The following PCSK5 variants were observed in gnomAD, a reference collection of about 807,000 sequenced individuals.
PCSK5 encodes proprotein convertase subtilisin/kexin type 5, also known as prohormone convertase 5.
In PCSK5, 129 loss-of-function variants were observed where a neutral mutation model predicts 233.2. That is an observed-to-expected ratio of 0.55 (90% confidence interval 0.48 to 0.64). The LOEUF is 0.64. Ranked by LOEUF, PCSK5 falls within the 30% of genes least tolerant of loss-of-function variation. PCSK5 has a pLI of 0.00. For missense variants in PCSK5, 2,076 were observed against 2,430.1 expected (o/e 0.85, Z 3.06); for synonymous variants, 825 against 879.2 (o/e 0.94, Z 1.09).
intron 3 of PCSK5, among the ~76,000 whole-genome samples, chr9:76,001,671 C>A (rs1166356971): frequency 6.6e-6 from 1 of 152,116 alleles, no homozygotes; most frequent in Non-Finnish European, 1.5e-5. Context: ...ATTAACTCTA[C>A]TAGGTCTTGC....
At chr9:75,964,896 T>G (rs201896868) in intron 2 of PCSK5, among the ~76,000 whole-genome samples, 21 of 147,684 alleles carry the variant, frequency 1.4e-4, no homozygotes, top group Non-Finnish European at 2.2e-4. Flanking sequence ...ATGGCGGGGG[T>G]GGGGGAGCAT....
intron 15 of PCSK5, 31 bp downstream of exon 15, chr9:76,179,729 G>A (rs1823763763): frequency 2.1e-6 from 3 of 1,449,570 alleles, no homozygotes; most frequent in Non-Finnish European, 1.9e-6. Context: ...CATCCCCACA[G>A]CATGTGCCAG....
At chr9:75,935,384 G>A (rs181869758) in intron 2 of PCSK5, among the ~76,000 whole-genome samples, 9 of 152,236 alleles carry the variant, frequency 5.9e-5, no homozygotes, top group East Asian at 5.8e-4. Flanking sequence ...ACATGTATAC[G>A]TATGTAAGGT....
chr9:76,036,069 A>G lies in PCSK5; in HGVS notation c.632+9032A>G, dbSNP rs970978597. Among the ~76,000 whole-genome samples the G allele has an allele frequency of 3.3e-5, 5 of 152,294 alleles. No homozygotes were observed. In the South Asian group the frequency reaches 1.0e-3, roughly 32 times the overall value. ...AAGCTTATAGATTATTCATTTTAACATTACCAAAATATTGTTTAGATATTG... is the reference window on the plus strand; with the variant it reads ...AAGCTTATAGATTATTCATTTTAACGTTACCAAAATATTGTTTAGATATTG... On this transcript the variant is annotated intron_variant, in intron 5 of 37. Coordinates refer to ENST00000674117, the MANE Select transcript of PCSK5 (RefSeq NM_001372043.1).
In PCSK5 at chr9:76,282,145, T is replaced by TTTTTTTTTTTTTTTTTTTTTC. The variant is rs1286020691; in HGVS notation, c.3143-10086_3143-10085insTTTTTTTTTTTTTTTTTTCTT. Among the ~76,000 whole-genome samples the TTTTTTTTTTTTTTTTTTTTTC allele has an allele frequency of 1.1e-3, 108 of 98,990 alleles. 27 individuals carry two copies. Among genetic ancestry groups the TTTTTTTTTTTTTTTTTTTTTC allele is most frequent in the Non-Finnish European group, 1.7e-3 (84 of 48,200 alleles). 64.9% of individuals were successfully genotyped at this position (98,990 alleles called of 152,430 possible). On this transcript the variant is annotated intron_variant, in intron 24 of 37. Transcript: ENST00000674117. Reference sequence around the variant, plus strand: ...CTTTTTTTTTTTTTTTTTTTTTTTTTTTCGCTCTGTTGCCCAGGCTGGAGC... The same window carrying TTTTTTTTTTTTTTTTTTTTTC: ...CTTTTTTTTTTTTTTTTTTTTTTTTTTTTTTTTTTTTTTTTTTTTTCTTCGCTCTGTTGCCCAGGCTGGAGC...
intron 35 of PCSK5, among the ~76,000 whole-genome samples, chr9:76,339,585 C>T (rs957892448): frequency 3.3e-5 from 5 of 152,138 alleles, no homozygotes; most frequent in Admixed American, 2.6e-4. Context: ...CACTCTGTCG[C>T]CCAGGCTGGA....
At chr9:75,945,909 T>C (rs1824546069) in intron 2 of PCSK5, among the ~76,000 whole-genome samples, 1 of 152,212 alleles carries the variant, frequency 6.6e-6, no homozygotes, top group Non-Finnish European at 1.5e-5. Flanking sequence ...TAATCTCACC[T>C]GCCCAATTCC....
intron 10 of PCSK5, among the ~76,000 whole-genome samples, chr9:76,145,692 T>C (rs1393159649): frequency 6.6e-6 from 1 of 152,094 alleles, no homozygotes; most frequent in Non-Finnish European, 1.5e-5. Flanking sequence ...ACTGAGACCA[T>C]GGTAAGTGGG....
At chr9:76,326,126 A>G (rs1254037873) in intron 32 of PCSK5, among the ~76,000 whole-genome samples, 4 of 139,292 alleles carry the variant, frequency 2.9e-5, no homozygotes, top group African/African-American at 1.1e-4. Context: ...TGTAATCTCA[A>G]CAACACTTTG....
chr9:75,977,658 A>T (rs963409348), intron 2 of PCSK5, among the ~76,000 whole-genome samples: 1 of 150,754 alleles, frequency 6.6e-6, no homozygotes, highest in Non-Finnish European at 1.5e-5. Context: ...TGACCCAGGC[A>T]GGAGTGCAGT....
intron 3 of PCSK5, among the ~76,000 whole-genome samples, chr9:76,007,796 T>TTGTGTG (rs59860078): frequency 0.15 from 19,009 of 128,134 alleles, 1,471 homozygotes; most frequent in Non-Finnish European, 0.16. Context: ...CCGGCTAATT[T>TTGTGTG]TGTGTGTGTG....
intron 28 of PCSK5, among the ~76,000 whole-genome samples, chr9:76,307,288 T>A (rs530147941): frequency 6.6e-6 from 1 of 151,760 alleles, no homozygotes; most frequent in Admixed American, 6.6e-5. Flanking sequence ...AGAAAGAAGA[T>A]GAAAGGCAGG....
At position 76,046,651 on chromosome 9, in the gene PCSK5, C is replaced by G. The variant is rs150138030; in HGVS notation, c.632+19614C>G. ...TCTCGGCTCACTGCAAGCTCTGCCT[C>G]CTGGGTTCACGGCATTCTCCTGTCT... On this transcript the variant is annotated intron_variant, in intron 5 of 37. Transcript: ENST00000674117. Among the ~76,000 whole-genome samples the G allele has an allele frequency of 8.8e-3, 1,280 of 146,200 alleles. 24 individuals are homozygous for G. Among genetic ancestry groups the G allele is most frequent in the African/African-American group, 0.028 (1,119 of 39,424 alleles).
chr9:76,187,084 G>A (rs189320083), intron 17 of PCSK5, among the ~76,000 whole-genome samples: 1 of 152,112 alleles, frequency 6.6e-6, no homozygotes, highest in African/African-American at 2.4e-5. Context: ...GGGACTGTTC[G>A]GGTTTCTTTT....
At chr9:76,202,138 C>T (rs1044232336) in intron 20 of PCSK5, among the ~76,000 whole-genome samples, 4 of 152,128 alleles carry the variant, frequency 2.6e-5, no homozygotes, top group Non-Finnish European at 5.9e-5. Context: ...TGGCAGAAAC[C>T]GGAAGTCATC....
intron 30 of PCSK5, among the ~76,000 whole-genome samples, chr9:76,314,822 G>C (rs1345256119): frequency 6.6e-6 from 1 of 151,708 alleles, no homozygotes; most frequent in African/African-American, 2.4e-5. Context: ...TCTATCTTTT[G>C]TAGAGATGGG....
At chr9:76,095,423 A>G (rs913050807) in intron 7 of PCSK5, among the ~76,000 whole-genome samples, 3 of 152,202 alleles carry the variant, frequency 2.0e-5, no homozygotes, top group African/African-American at 7.2e-5. Context: ...ACAACTAATA[A>G]TATCCCAACT....
rs975203919 is a variant in PCSK5 at position 76,279,436 on chromosome 9, G to T, written c.3143-12797G>T. ...CCTTTGGGTATATACCCAGTAATGG[G>T]ATGGCTGGGTCAAATGGTATTTCTA... On this transcript the variant is annotated intron_variant, in intron 24 of 37. Transcript: ENST00000674117. Among the ~76,000 whole-genome samples the T allele has an allele frequency of 3.9e-3, 585 of 151,460 alleles. 3 individuals are homozygous for T. The highest frequency in any genetic ancestry group is 0.013 in the African/African-American group (544 of 41,060).
chr9:76,171,261 T>C (rs557566982), intron 13 of PCSK5, among the ~76,000 whole-genome samples: 1 of 152,230 alleles, frequency 6.6e-6, no homozygotes, highest in East Asian at 1.9e-4. Flanking sequence ...TGCCCTGCCA[T>C]GAGGTTGCAC....
Sources: allele counts gnomAD v4.1 joint callset (sites outside exome capture counted in the v4.1 genomes callset), GRCh38; gene constraint gnomAD v4.1.1; transcripts MANE v1.5; gene names NCBI Gene and HGNC (gene_info 2026-07-23, HGNC 2026-07-21).